Variants in RNF168 observed in about 807,000 individuals in gnomAD.
RNF168 encodes ring finger protein 168.
In RNF168, 34 loss-of-function variants were observed where a neutral mutation model predicts 34.9. The observed-to-expected ratio is 0.97, with a 90% CI of 0.74 to 1.30. RNF168 has a LOEUF of 1.30. RNF168 is among the 50% of genes most tolerant of loss of function. The pLI is 0.00. For synonymous variants in RNF168, 264 were observed against 254.7 expected, an observed-to-expected ratio of 1.04 and a Z score of -0.35; for missense variants, 725 against 682.5, an observed-to-expected ratio of 1.06 and a Z score of -0.69.
intron 1 of RNF168, 152 bp downstream of exon 1, chr3:196,502,721 G>A (rs1033222178): frequency 5.5e-6 from 4 of 723,242 alleles, no homozygotes; most frequent in Non-Finnish European, 7.4e-6. Flanking sequence ...TCGACATTTG[G>A]GGACCCATAA....
intron 1 of RNF168, among the ~76,000 whole-genome samples, chr3:196,502,104 G>C (rs1732907682): frequency 7.4e-6 from 1 of 134,388 alleles, no homozygotes; most frequent in Non-Finnish European, 1.6e-5. Flanking sequence ...AGAGAACGGA[G>C]ACACCATATC....
chr3:196,483,087 T>C (rs1257428745), intron 4 of RNF168, among the ~76,000 whole-genome samples: 1 of 152,074 alleles, frequency 6.6e-6, no homozygotes. Context: ...GCGACACTGA[T>C]ATTGTCACAT....
chr3:196,485,775 TAC>T lies in RNF168; in HGVS notation c.558+1622_558+1623del, dbSNP rs1194477439. On this transcript the variant is annotated intron_variant, in intron 3 of 5. Coordinates refer to ENST00000318037, the MANE Select transcript of RNF168 (RefSeq NM_152617.4). ...GTATACTCATTTTGCTAAGTGTATA[TAC>T]ATATATATTTTTTTATTCTATTGAA... Among the ~76,000 whole-genome samples the T allele has an allele frequency of 3.1e-5, 3 of 95,436 alleles. No homozygotes were observed. The East Asian group carries it at 6.0e-4, about 19-fold the overall frequency. The allele number at this position is 95,436 out of a possible 152,430, so 62.6% of individuals were successfully genotyped here. A position where few individuals can be genotyped will look rare whatever the true frequency, so the allele number is the denominator to read the frequency against.
In RNF168 at chr3:196,472,399, A is replaced by C. The variant is rs201505944; in HGVS notation, c.1136T>G (p.Leu379Arg). The change falls in exon 6 of 6, where the codon CTA (leucine) becomes CGA (arginine). Residue 379 changes from leucine (L) to arginine (R), a missense_variant. By Grantham distance (102) the Leu-to-Arg change is moderately radical. Coordinates refer to ENST00000318037, the MANE Select transcript of RNF168 (RefSeq NM_152617.4). ...TTTGGAAATCTCCTTACTGATCAGT[A>C]GGCACGACTCTTCATTTTCTGTCTC... ...TGETENEESC[L>R]LISKEISKRK... 1.7e-4 allele frequency: 273 copies of C among 1,613,876 alleles called. No homozygotes were observed. The highest frequency in any genetic ancestry group is 2.3e-4 in the Non-Finnish European group (267 of 1,179,934).
rs746729413 is a variant in RNF168, at chr3:196,502,898, C to T, written c.276G>A (p.Ala92=). ...KHYPRECKLR[A]SGQESEEVAD... is the part of the protein sequence containing the mutation. ...CCACTTCCTCTGATTCTTGGCCAGA[C>T]GCTCTAAGCTTGCACTCCCTGGGAT... Residue 92 remains alanine, a synonymous_variant, in exon 1 of 6, where the codon GCG becomes GCA. Coordinates refer to ENST00000318037, the MANE Select transcript of RNF168 (RefSeq NM_152617.4). 6.2e-7 allele frequency: 1 copy of T among 1,614,080 alleles called. No individual in the cohort carries two copies. The highest frequency in any genetic ancestry group is 8.5e-7 in the Non-Finnish European group (1 of 1,179,954).
intron 1 of RNF168, among the ~76,000 whole-genome samples, chr3:196,500,823 G>T (rs533639050): frequency 2.3e-3 from 355 of 151,338 alleles, no homozygotes; most frequent in South Asian, 3.1e-3. Context: ...GCCATTCTCC[G>T]GCCTCAGCCT....
chr3:196,478,497 G>C (rs1278710866), intron 4 of RNF168, among the ~76,000 whole-genome samples: 1 of 152,128 alleles, frequency 6.6e-6, no homozygotes, highest in Non-Finnish European at 1.5e-5. Context: ...TGGCTCCACG[G>C]GAGTCGCTCT....
intron 1 of RNF168, among the ~76,000 whole-genome samples, chr3:196,499,875 T>C (rs1732836990): frequency 6.6e-6 from 1 of 152,176 alleles, no homozygotes. Context: ...GAAGATGATA[T>C]ACAAATGGCC....
At chr3:196,475,493 G>A (rs1732123398) in intron 4 of RNF168, 181 bp from the exon 5 acceptor site, 1 of 543,388 alleles carries the variant, frequency 1.8e-6, no homozygotes, top group South Asian at 2.0e-5. Context: ...AAATGATTGA[G>A]TATTGATATT....
At chr3:196,474,955 G>A (rs1265416118) in intron 5 of RNF168, 17 of 423,518 alleles carry the variant, frequency 4.0e-5, no homozygotes, top group Admixed American at 1.8e-4. Context: ...CTACACCAGC[G>A]TAGCTGAGAA....
chr3:196,481,682 GTTTTTTTTTTTTTTT>G (rs34739638), intron 4 of RNF168, among the ~76,000 whole-genome samples: 4 of 62,362 alleles, frequency 6.4e-5, no homozygotes, highest in Admixed American at 2.6e-4. Flanking sequence ...TTTCAGCTGC[GTTTTTTTTTTTTTTT>G]TTTTTTTTTT....
intron 1 of RNF168, among the ~76,000 whole-genome samples, chr3:196,493,855 ATT>A (rs376320330): frequency 8.6e-5 from 11 of 128,144 alleles, no homozygotes; most frequent in Admixed American, 1.5e-4. Flanking sequence ...TTTTAAATTT[ATT>A]TTTTTTTTTT....
chr3:196,478,119 T>C (rs1732193857), intron 4 of RNF168, among the ~76,000 whole-genome samples: 1 of 152,186 alleles, frequency 6.6e-6, no homozygotes. Context: ...CATCAACCCT[T>C]TCCCTTCCCA....
chr3:196,495,323 G>A (rs190123188), intron 1 of RNF168, among the ~76,000 whole-genome samples: 24 of 152,188 alleles, frequency 1.6e-4, no homozygotes, highest in Non-Finnish European at 2.1e-4. Flanking sequence ...AATTAACATT[G>A]ATATATTACC....
At position 196,469,858 on chromosome 3, in the gene RNF168, T is replaced by C. The variant is rs1326871380; in HGVS notation, c.*1961A>G. ...CTCTCCTGTAATACATTCCCATTTT[T>C]TTCTGGAATAGCAGATGCATAGAAA... On this transcript the variant is annotated 3_prime_UTR_variant, in exon 6 of 6. Transcript: ENST00000318037. 2.0e-5 allele frequency: 3 copies of C among 152,226 alleles called. No homozygotes were observed. Among genetic ancestry groups the C allele is most frequent in the Non-Finnish European group, 4.4e-5 (3 of 68,036 alleles). The allele number at this position is 152,226 out of a possible 1,614,324, so 9.4% of individuals were successfully genotyped here.
At chr3:196,478,888 T>C (rs1315188966) in intron 4 of RNF168, among the ~76,000 whole-genome samples, 1 of 150,412 alleles carries the variant, frequency 6.6e-6, no homozygotes, top group Non-Finnish European at 1.5e-5. Flanking sequence ...CTCAGAAGTA[T>C]TGTATTTTTG....
intron 3 of RNF168, among the ~76,000 whole-genome samples, chr3:196,485,212 A>G (rs1028906549): frequency 1.1e-4 from 16 of 152,200 alleles, no homozygotes; most frequent in Non-Finnish European, 4.4e-5. Flanking sequence ...ATAAATAAAT[A>G]GAAAATTATT....
chr3:196,495,017 T>C (rs1014828958), intron 1 of RNF168, among the ~76,000 whole-genome samples: 2 of 152,178 alleles, frequency 1.3e-5, no homozygotes, highest in Admixed American at 1.3e-4. Context: ...AGTGAGACCC[T>C]GTCTCGAAAA....
At chr3:196,474,951 C>G (rs1732106935) in intron 5 of RNF168, 1 of 415,686 alleles carries the variant, frequency 2.4e-6, no homozygotes, top group South Asian at 2.3e-5. Flanking sequence ...CACACTACAC[C>G]AGCGTAGCTG....
Sources: allele counts gnomAD v4.1 joint callset (sites outside exome capture counted in the v4.1 genomes callset), GRCh38; gene constraint gnomAD v4.1.1; transcripts MANE v1.5; gene names NCBI Gene and HGNC (gene_info 2026-07-23, HGNC 2026-07-21).